Variants in ZNF705A observed in about 807,000 individuals in gnomAD.
ZNF705A encodes the protein zinc finger protein 705A.
Under a neutral mutation model 16.6 loss-of-function variants are expected in ZNF705A, and 8 were observed. The observed-to-expected ratio is 0.48, with a 90% confidence interval of 0.28 to 0.87. The LOEUF is 0.87. Ranked by LOEUF, ZNF705A falls within the 40% of genes least tolerant of loss-of-function variation. The pLI is 0.10. For synonymous variants in ZNF705A, 73 were observed against 117.3 expected (o/e 0.62, Z 2.44); for missense variants, 233 against 359.9 (o/e 0.65, Z 2.85).
chr12:8,169,954 C>T (rs1220217061), upstream of ZNF705A, among the ~76,000 whole-genome samples: 5 of 152,132 alleles, frequency 3.3e-5, no homozygotes, highest in East Asian at 1.9e-4. Context: ...CTTTGAGAGG[C>T]GGAGGCTAGC....
intron 1 of ZNF705A, among the ~76,000 whole-genome samples, chr12:8,167,187 TTGTC>T (rs1266935450): frequency 1.3e-5 from 2 of 152,380 alleles, no homozygotes; most frequent in East Asian, 3.9e-4. Flanking sequence ...AGACTCTAGT[TTGTC>T]TGGTTTCTTG....
upstream of ZNF705A, chr12:8,168,738 G>A (rs945775556): frequency 1.3e-5 from 2 of 152,160 alleles, no homozygotes; most frequent in Non-Finnish European, 2.9e-5. Flanking sequence ...TTTCATCACA[G>A]AAAATCGTGT....
At chr12:8,162,974 C>T (rs1187351382) in intron 1 of ZNF705A, among the ~76,000 whole-genome samples, 1 of 152,178 alleles carries the variant, frequency 6.6e-6, no homozygotes, top group East Asian at 1.9e-4. Flanking sequence ...TTCTTGCTTG[C>T]TAGGACAAGG....
At chr12:8,164,968 C>T (rs4391881) in intron 1 of ZNF705A, among the ~76,000 whole-genome samples, 70,887 of 151,892 alleles carry the variant, frequency 0.47, 16,745 homozygotes, top group South Asian at 0.6. Context: ...TAAAAGTGTT[C>T]TTATATCTCA....
chr12:8,177,206 C>A (rs1948492411), exon 5 of ZNF705A: 2 of 1,611,748 alleles, frequency 1.2e-6, no homozygotes, highest in Non-Finnish European at 1.7e-6. Context: ...TCAATGTAAT[C>A]TATGTGAAAA....
At chr12:8,172,388 C>G (rs1436431628), upstream of ZNF705A, 3 of 625,558 alleles carry the variant, frequency 4.8e-6, no homozygotes, top group Non-Finnish European at 5.6e-6. Flanking sequence ...TCATAGGCTT[C>G]CTAATTTTGA....
At chr12:8,174,224 G>A (rs774887287) in intron 1 of ZNF705A, 102 bp from the exon 3 acceptor site, 164 of 1,593,588 alleles carry the variant, frequency 1.0e-4, no homozygotes, top group Non-Finnish European at 1.3e-4. Context: ...AAAACACTGA[G>A]TATTCTGCAT....
At chr12:8,161,970 A>T (rs746013821) in intron 1 of ZNF705A, among the ~76,000 whole-genome samples, 1 of 152,238 alleles carries the variant, frequency 6.6e-6, no homozygotes, top group Admixed American at 6.5e-5. Context: ...ATCCTAAGTC[A>T]GAAGGCAGAA....
At chr12:8,163,954 A>G (rs1364239367) in intron 1 of ZNF705A, among the ~76,000 whole-genome samples, 6 of 152,156 alleles carry the variant, frequency 3.9e-5, no homozygotes, top group Non-Finnish European at 7.4e-5. Flanking sequence ...AAAAAGCTGT[A>G]ATATTTAAGG....
chr12:8,180,018 T>A (rs949191091), exon 5 of ZNF705A: 3 of 152,238 alleles, frequency 2.0e-5, no homozygotes, highest in African/African-American at 7.2e-5. Flanking sequence ...TTTATTTCCA[T>A]CTTCTTCAAT....
At chr12:8,171,408 C>A (rs755123078), upstream of ZNF705A, among the ~76,000 whole-genome samples, 35 of 152,160 alleles carry the variant, frequency 2.3e-4, no homozygotes, top group South Asian at 6.2e-4. Flanking sequence ...CGAATATATA[C>A]ATGGACATCG....
intron 1 of ZNF705A, among the ~76,000 whole-genome samples, chr12:8,166,139 G>T (rs1948397452): frequency 6.6e-6 from 1 of 152,188 alleles, no homozygotes; most frequent in Non-Finnish European, 1.5e-5. Flanking sequence ...GAAGATGGTG[G>T]CTGTCTTCTC....
At chr12:8,157,476 C>A (rs1249368142) in intron 1 of ZNF705A, among the ~76,000 whole-genome samples, 14 of 152,102 alleles carry the variant, frequency 9.2e-5, no homozygotes, top group Admixed American at 5.9e-4. Flanking sequence ...TTGAGAAAAG[C>A]AACACTTGAA....
chr12:8,169,206 G>GTT (rs1948424353), upstream of ZNF705A, among the ~76,000 whole-genome samples: 1 of 152,036 alleles, frequency 6.6e-6, no homozygotes, highest in Non-Finnish European at 1.5e-5. Flanking sequence ...TGTTCATTAT[G>GTT]CACTTTAAAA....
At chr12:8,174,392 T>A (rs1423006411) in exon 2 of ZNF705A, 1 of 1,596,436 alleles carries the variant, frequency 6.3e-7, no homozygotes. Flanking sequence ...GATGGACACA[T>A]CCAAGAGAAA....
exon 5 of ZNF705A, chr12:8,177,780 G>C (rs944392476): frequency 4.5e-6 from 4 of 891,962 alleles, no homozygotes; most frequent in Non-Finnish European, 6.6e-6. Context: ...AGAGACTTCA[G>C]CTGTAGTTGT....
intron 1 of ZNF705A, among the ~76,000 whole-genome samples, chr12:8,165,443 C>T (rs1287111221): frequency 7.5e-6 from 1 of 132,918 alleles, no homozygotes; most frequent in Non-Finnish European, 1.6e-5. Context: ...CCACCACGCC[C>T]AGCTAAATTT....
chr12:8,166,664 T>C (rs943941368), intron 1 of ZNF705A, among the ~76,000 whole-genome samples: 5 of 152,272 alleles, frequency 3.3e-5, no homozygotes, highest in African/African-American at 1.2e-4. Context: ...TCCTGTACTT[T>C]GTGCACCTGC....
intron 2 of ZNF705A, 119 bp downstream of exon 3, chr12:8,174,571 T>G: frequency 6.4e-7 from 1 of 1,566,474 alleles, no homozygotes; most frequent in Non-Finnish European, 8.6e-7. Flanking sequence ...CTCACAGATC[T>G]CATCTGAAAA....
Sources: gnomAD v4.1 joint callset for allele counts (sites outside exome capture counted in the v4.1 genomes callset) on GRCh38, gnomAD v4.1.1 for gene constraint, MANE v1.5 for transcripts, NCBI Gene and HGNC (gene_info 2026-07-23, HGNC 2026-07-21) for gene names.